OPN3: variants seen among roughly 807,000 people sequenced by gnomAD.
The protein encoded by OPN3 is opsin 3.
In OPN3, 29 loss-of-function variants were observed where a neutral mutation model predicts 33.8. The ratio of observed to expected loss-of-function variants is 0.86; its 90% CI spans 0.64 to 1.17. The LOEUF is 1.17. Ranked by LOEUF, OPN3 falls within the 50% of genes most tolerant of loss-of-function variation. The pLI is 0.00. For missense variants in OPN3, 437 were observed against 514.1 expected (o/e 0.85, Z 1.45); for synonymous variants, 216 against 216.1 (o/e 1.00, Z 0.00).
intron 1 of OPN3, among the ~76,000 whole-genome samples, chr1:241,625,588 A>T (rs1345652045): frequency 6.6e-6 from 1 of 152,174 alleles, no homozygotes; most frequent in Non-Finnish European, 1.5e-5. Context: ...TCATATTCAA[A>T]ACTTTTGTTT....
rs760842619 is a variant in OPN3, at chr1:241,634,140, G to C, written c.373+5742C>G. On this transcript the variant is annotated intron_variant, in intron 1 of 3. Transcript: ENST00000366554. Reference sequence around the variant, plus strand: ...GCCCACAAGAGTCTTGGCTTTGTAAGTTCTTCCTCGTTTATTTCTGTTTCA... The same window carrying C: ...GCCCACAAGAGTCTTGGCTTTGTAACTTCTTCCTCGTTTATTTCTGTTTCA... 69 of 1,613,086 alleles carry C rather than the reference G, an allele frequency of 4.3e-5. No individual in the cohort carries two copies. In the South Asian group the frequency reaches 7.3e-4, roughly 17 times the overall value.
At chr1:241,638,744 TTTC>T (rs1364262967) in intron 1 of OPN3, among the ~76,000 whole-genome samples, 1 of 152,208 alleles carries the variant, frequency 6.6e-6, no homozygotes, top group Non-Finnish European at 1.5e-5. Flanking sequence ...TAAAATCTAT[TTTC>T]TTATTTCCTT....
chr1:241,609,514 T>C (rs986398897), intron 1 of OPN3, among the ~76,000 whole-genome samples: 6 of 152,264 alleles, frequency 3.9e-5, no homozygotes, highest in African/African-American at 1.4e-4. Context: ...TGCCTATCAC[T>C]GTGCTGAGTA....
At chr1:241,622,177 A>C (rs1014813331) in intron 1 of OPN3, among the ~76,000 whole-genome samples, 8 of 152,140 alleles carry the variant, frequency 5.3e-5, no homozygotes, top group Non-Finnish European at 1.0e-4. Context: ...GATATATCTA[A>C]CTACCTCATG....
chr1:241,617,684 G>A (rs576758686), intron 1 of OPN3, among the ~76,000 whole-genome samples: 15 of 152,320 alleles, frequency 9.8e-5, no homozygotes, highest in African/African-American at 3.4e-4. Flanking sequence ...AATATCACAC[G>A]CTCCACTGTA....
chr1:241,635,277 CTG>C (rs1470913015), intron 1 of OPN3: 38 of 1,613,830 alleles, frequency 2.4e-5, no homozygotes, highest in Non-Finnish European at 3.0e-5. Context: ...AGTGAAATCT[CTG>C]TATCACTTTT....
At chr1:241,630,802 A>C (rs1169960252) in intron 1 of OPN3, 1 of 152,004 alleles carries the variant, frequency 6.6e-6, no homozygotes, top group African/African-American at 2.4e-5. Flanking sequence ...AATTTTTGAA[A>C]AGTTATCTGT....
chr1:241,637,994 G>C (rs1308338641), intron 1 of OPN3, among the ~76,000 whole-genome samples: 2 of 152,092 alleles, frequency 1.3e-5, no homozygotes, highest in Non-Finnish European at 2.9e-5. Flanking sequence ...CCTTAACCTG[G>C]ATCTAGAAGC....
intron 3 of OPN3, chr1:241,594,971 C>A: frequency 3.0e-6 from 1 of 330,196 alleles, no homozygotes. Flanking sequence ...AGGGCAGGTA[C>A]AACTATTAAG....
In OPN3 at chr1:241,619,815, G is replaced by A. The variant is rs146034453; in HGVS notation, c.374-15236C>T. ...AAGTAAATCAGATAAAAGTGTTCCA[G>A]GACAAATCACAGCCTAACAGCAGAC... On this transcript the variant is annotated intron_variant, in intron 1 of 3. Transcript: ENST00000366554. Among the ~76,000 whole-genome samples, 698 of 152,286 alleles carry A rather than the reference G, an allele frequency of 4.6e-3. 4 individuals carry two copies. The highest frequency in any genetic ancestry group is 0.016 in the African/African-American group (653 of 41,544).
chr1:241,613,007 T>C (rs1664037635), intron 1 of OPN3, among the ~76,000 whole-genome samples: 1 of 152,220 alleles, frequency 6.6e-6, no homozygotes. Flanking sequence ...ATCCTGTTGC[T>C]CCTATAATAT....
At chr1:241,637,599 G>A (rs1482326611) in intron 1 of OPN3, among the ~76,000 whole-genome samples, 1 of 152,192 alleles carries the variant, frequency 6.6e-6, no homozygotes, top group Non-Finnish European at 1.5e-5. Flanking sequence ...GGTAGGAGTA[G>A]GAGCAGAAGA....
In OPN3 at chr1:241,640,326, G is replaced by A. The variant is rs1234674452; in HGVS notation, c.-72C>T. 3 of 1,085,388 alleles carry A rather than the reference G, an allele frequency of 2.8e-6. No individual in the cohort carries two copies. The highest frequency in any genetic ancestry group is 9.0e-5 in the South Asian group (2 of 22,286). 67.2% of individuals were successfully genotyped at this position (1,085,388 alleles called of 1,614,324 possible). A position where few individuals can be genotyped will look rare whatever the true frequency, so the allele number is the denominator to read the frequency against. ...CGGGGCTCGCGGCGCGCTCCGCACT[G>A]GGTGGGGTTGGGGCTCCGCCGCCTG... is the stretch of plus-strand genomic sequence containing the variant. On this transcript the variant is annotated 5_prime_UTR_variant, in exon 1 of 4. Coordinates refer to ENST00000366554, the MANE Select transcript of OPN3 (RefSeq NM_014322.3).
In OPN3 at chr1:241,604,383, C is replaced by T; in HGVS notation, c.570G>A (p.Val190=). 1 of 1,614,146 alleles carries T rather than the reference C, an allele frequency of 6.2e-7. No individual in the cohort carries two copies. Reference sequence around the variant, plus strand: ...CGTTGGCATCCTTGGATTTCCAGTCCACAGTGCAGCCTAGTCCGTGTACGT... The same window carrying T: ...CGTTGGCATCCTTGGATTTCCAGTCTACAGTGCAGCCTAGTCCGTGTACGT... ...ILDVHGLGCT[V]DWKSKDANDS... is the part of the protein sequence containing the mutation. Residue 190 remains valine, a synonymous_variant, in exon 2 of 4, where the codon GTG becomes GTA. Coordinates refer to ENST00000366554, the MANE Select transcript of OPN3 (RefSeq NM_014322.3).
chr1:241,609,739 T>C (rs189619394), intron 1 of OPN3, among the ~76,000 whole-genome samples: 1 of 152,334 alleles, frequency 6.6e-6, no homozygotes, highest in East Asian at 1.9e-4. Flanking sequence ...AAAGATGGAA[T>C]AGGTGTTAAG....
intron 1 of OPN3, chr1:241,631,176 T>C (rs1664621354): frequency 6.6e-6 from 1 of 152,170 alleles, no homozygotes; most frequent in African/African-American, 2.4e-5. Flanking sequence ...TTTATTGGTA[T>C]AACTTCTCAT....
chr1:241,635,337 G>A, intron 1 of OPN3: 2 of 1,613,930 alleles, frequency 1.2e-6, no homozygotes, highest in Non-Finnish European at 1.7e-6. Flanking sequence ...TACGATAACT[G>A]GCTTTCTTCA....
intron 1 of OPN3, among the ~76,000 whole-genome samples, chr1:241,618,526 G>A (rs947771984): frequency 1.3e-5 from 2 of 152,164 alleles, no homozygotes; most frequent in Non-Finnish European, 2.9e-5. Flanking sequence ...ACTGGTGCAG[G>A]AGCACAAGAA....
intron 1 of OPN3, chr1:241,634,124 A>T: frequency 6.2e-7 from 1 of 1,612,660 alleles, no homozygotes; most frequent in Non-Finnish European, 8.5e-7. Flanking sequence ...AGCCCACAAG[A>T]GTCTTGGCTT....
Sources: gnomAD v4.1 joint callset for allele counts (sites outside exome capture counted in the v4.1 genomes callset) on GRCh38, gnomAD v4.1.1 for gene constraint, MANE v1.5 for transcripts, NCBI Gene and HGNC (gene_info 2026-07-23, HGNC 2026-07-21) for gene names.